Variants in EPB41L4A observed in about 807,000 individuals in gnomAD.
EPB41L4A encodes the protein erythrocyte membrane protein band 4.1 like 4A.
EPB41L4A carries 100 observed loss-of-function variants against 108.6 expected under a neutral mutation model. The observed-to-expected ratio is 0.92, with a 90% CI of 0.78 to 1.09. EPB41L4A has a LOEUF of 1.09. Ranked by LOEUF, EPB41L4A falls within the 50% of genes least tolerant of loss-of-function variation. The pLI is 0.00. For missense variants in EPB41L4A, 1,030 were observed against 842.7 expected, an observed-to-expected ratio of 1.22 and a Z score of -2.75; for synonymous variants, 319 against 289.0, an observed-to-expected ratio of 1.10 and a Z score of -1.05.
intron 3 of EPB41L4A, among the ~76,000 whole-genome samples, chr5:112,275,936 T>C (rs1025241384): frequency 6.6e-6 from 1 of 152,150 alleles, no homozygotes; most frequent in Non-Finnish European, 1.5e-5. Context: ...ACTATCTAAA[T>C]TTCCGAGCAC....
At chr5:112,262,800 G>A (rs1256227572) in intron 6 of EPB41L4A, among the ~76,000 whole-genome samples, 2 of 152,008 alleles carry the variant, frequency 1.3e-5, no homozygotes, top group Non-Finnish European at 2.9e-5. Flanking sequence ...ATCCATTCTG[G>A]CTCATTATAG....
chr5:112,278,128 T>C (rs999270281), intron 3 of EPB41L4A, among the ~76,000 whole-genome samples: 1 of 152,220 alleles, frequency 6.6e-6, no homozygotes, highest in Non-Finnish European at 1.5e-5. Flanking sequence ...CTGACTAATC[T>C]ATTAGAGATT....
chr5:112,415,159 C>T (rs17134505), intron 1 of EPB41L4A, among the ~76,000 whole-genome samples: 18,088 of 151,992 alleles, frequency 0.12, 3,514 homozygotes, highest in African/African-American at 0.4. Flanking sequence ...TTTAAGCCCT[C>T]GCCTTATGCT....
chr5:112,320,664 C>A (rs539776953), intron 1 of EPB41L4A, among the ~76,000 whole-genome samples: 1 of 152,236 alleles, frequency 6.6e-6, no homozygotes, highest in South Asian at 2.1e-4. Flanking sequence ...AAGCTACTTT[C>A]TCATTATTTA....
chr5:112,315,207 T>A (rs1256820012), intron 1 of EPB41L4A, among the ~76,000 whole-genome samples: 1 of 152,224 alleles, frequency 6.6e-6, no homozygotes, highest in Non-Finnish European at 1.5e-5. Context: ...AATCTCATTA[T>A]GACCTCTCCC....
At position 112,281,345 on chromosome 5, in the gene EPB41L4A, A is replaced by T. The variant is rs114442118; in HGVS notation, c.205-1022T>A. ...TTTAAATCTCACAATTATTAAGTAG[A>T]ATTATCGAAGGAAAGAGATGAGGTA... On this transcript the variant is annotated intron_variant, in intron 2 of 22. Transcript: ENST00000261486. 5.8e-3 allele frequency among the ~76,000 whole-genome samples: 879 copies of T among 152,302 alleles called. 2 individuals carry two copies. Among genetic ancestry groups the T allele is most frequent in the Middle Eastern group, 0.014 (4 of 294 alleles).
intron 20 of EPB41L4A, 113 bp downstream of exon 20, chr5:112,170,188 T>C (rs1560052): frequency 2.8e-6 from 3 of 1,068,118 alleles, no homozygotes; most frequent in Non-Finnish European, 4.1e-6. Flanking sequence ...CCTAGTTTTG[T>C]TTAAAATGTA....
intron 12 of EPB41L4A, among the ~76,000 whole-genome samples, chr5:112,213,361 T>C (rs1367941815): frequency 1.3e-5 from 2 of 151,970 alleles, no homozygotes; most frequent in Admixed American, 6.6e-5. Flanking sequence ...TTGTTTTTTT[T>C]TTTTTAAGAT....
At chr5:112,259,164 T>C (rs1467561694) in intron 9 of EPB41L4A, 65 bp downstream of exon 9, 1 of 1,272,652 alleles carries the variant, frequency 7.9e-7, no homozygotes. Flanking sequence ...ACAATGTCTT[T>C]TAAGCTACAA....
chr5:112,346,329 G>A (rs1163015858), intron 1 of EPB41L4A, among the ~76,000 whole-genome samples: 2 of 147,914 alleles, frequency 1.4e-5, no homozygotes, highest in African/African-American at 2.5e-5. Context: ...GGGTTCAAGC[G>A]ATTCTCCTGC....
intron 12 of EPB41L4A, among the ~76,000 whole-genome samples, chr5:112,213,354 T>TG (rs1491435338): frequency 2.9e-4 from 7 of 24,236 alleles, no homozygotes; most frequent in African/African-American, 5.0e-4. Flanking sequence ...TTTTTTTTTG[T>TG]TTTTTTTTTT....
intron 1 of EPB41L4A, among the ~76,000 whole-genome samples, chr5:112,358,957 T>C (rs1758539773): frequency 6.6e-6 from 1 of 152,212 alleles, no homozygotes; most frequent in African/African-American, 2.4e-5. Context: ...TATATTGTAT[T>C]ATTCCTTTTA....
chr5:112,266,766 A>G (rs1474003968), intron 4 of EPB41L4A, among the ~76,000 whole-genome samples: 3 of 152,212 alleles, frequency 2.0e-5, no homozygotes, highest in Non-Finnish European at 4.4e-5. Context: ...AAGAAATCAC[A>G]AAGACCCAAC....
chr5:112,339,529 T>TATATATAG (rs1288027552), intron 1 of EPB41L4A, among the ~76,000 whole-genome samples: 137 of 62,624 alleles, frequency 2.2e-3, no homozygotes, highest in Non-Finnish European at 3.1e-3. Flanking sequence ...GATATATATC[T>TATATATAG]ATATATATAT....
At chr5:112,149,953 A>G (rs968880597) in intron 12 of EPB41L4A, among the ~76,000 whole-genome samples, 4 of 152,216 alleles carry the variant, frequency 2.6e-5, no homozygotes, top group Non-Finnish European at 5.9e-5. Flanking sequence ...TGACCCACGC[A>G]TAACGTCTGT....
chr5:112,172,849 T>C (rs1191687225), intron 18 of EPB41L4A, among the ~76,000 whole-genome samples: 1 of 152,202 alleles, frequency 6.6e-6, no homozygotes, highest in African/African-American at 2.4e-5. Flanking sequence ...GCATATCAGC[T>C]TCTTCTAGTT....
At chr5:112,351,122 A>G (rs966064758) in intron 1 of EPB41L4A, among the ~76,000 whole-genome samples, 4 of 152,208 alleles carry the variant, frequency 2.6e-5, no homozygotes, top group Non-Finnish European at 4.4e-5. Context: ...CAAAGGAAAG[A>G]TATAATAAAG....
chr5:112,419,093 C>G lies in EPB41L4A; in HGVS notation c.-54G>C. The G allele has an allele frequency of 7.4e-7, 1 of 1,350,864 alleles. No homozygotes were observed. The highest frequency in any genetic ancestry group is 1.1e-6 in the Non-Finnish European group (1 of 943,402). The allele number at this position is 1,350,864 out of a possible 1,614,324, so 83.7% of individuals were successfully genotyped here. ...AGAAAGCTACCACCGAGGCGCCCAGCCGCCCCCTCCACTCAAGCGCGATGC... is the reference window on the plus strand; with the variant it reads ...AGAAAGCTACCACCGAGGCGCCCAGGCGCCCCCTCCACTCAAGCGCGATGC... On this transcript the variant is annotated 5_prime_UTR_variant, in exon 1 of 23. Coordinates refer to ENST00000261486, the MANE Select transcript of EPB41L4A (RefSeq NM_022140.5).
At chr5:112,304,152 C>G (rs1471017358) in intron 2 of EPB41L4A, among the ~76,000 whole-genome samples, 26 of 152,122 alleles carry the variant, frequency 1.7e-4, no homozygotes, top group Non-Finnish European at 2.9e-5. Flanking sequence ...TGTTTGCATG[C>G]TGTCTTCATC....
Sources: allele counts gnomAD v4.1 joint callset (sites outside exome capture counted in the v4.1 genomes callset), GRCh38; gene constraint gnomAD v4.1.1; transcripts MANE v1.5; gene names NCBI Gene and HGNC (gene_info 2026-07-23, HGNC 2026-07-21).